The following CPED1 variants were observed in gnomAD, a reference collection of about 807,000 sequenced individuals.
CPED1 encodes the protein cadherin-like and PC-esterase domain-containing protein 1.
Under a neutral mutation model 128.2 loss-of-function variants are expected in CPED1, and 114 were observed. The observed-to-expected ratio is 0.89, with a 90% CI of 0.76 to 1.04. The LOEUF (loss-of-function observed/expected upper bound fraction) is 1.04, where lower values mean the gene tolerates loss of function less well. CPED1 is among the 50% of genes least tolerant of loss of function. The pLI is 0.00. For missense variants in CPED1, 1,211 were observed against 1,207.1 expected (o/e 1.00, Z -0.05); for synonymous variants, 462 against 426.7 (o/e 1.08, Z -1.02).
chr7:121,054,127 T>C (rs2116002358), intron 4 of CPED1, among the ~76,000 whole-genome samples: 1 of 152,348 alleles, frequency 6.6e-6, no homozygotes, highest in South Asian at 2.1e-4. Flanking sequence ...CCATTGCTAC[T>C]AGGGTGTCAT....
chr7:121,047,704 T>TCCTCCTCCTCCTCC (rs1793245376), intron 4 of CPED1, among the ~76,000 whole-genome samples: 1 of 89,232 alleles, frequency 1.1e-5, no homozygotes, highest in African/African-American at 5.2e-5. Flanking sequence ...CTTCTTCTTC[T>TCCTCCTCCTCCTCC]TCTTCTTCTT....
intron 2 of CPED1, among the ~76,000 whole-genome samples, chr7:120,992,136 T>A (rs1324351615): frequency 6.6e-6 from 1 of 152,172 alleles, no homozygotes; most frequent in Admixed American, 6.5e-5. Flanking sequence ...AATATATTGA[T>A]CATTTTCTAA....
chr7:121,151,498 A>G (rs1192883835), intron 16 of CPED1, among the ~76,000 whole-genome samples: 1 of 152,254 alleles, frequency 6.6e-6, no homozygotes, highest in Non-Finnish European at 1.5e-5. Context: ...CTATTTAACA[A>G]TATAACATTT....
rs146351691 is a variant in CPED1 at position 121,119,237 on chromosome 7, AT to A, written c.919-5082del. ...AAATATAGGACAATCTAAAAAAGAT[AT>A]TTTTTTTTTTTGAGATGGAGTCTCG... On this transcript the variant is annotated intron_variant, in intron 7 of 22. Coordinates refer to ENST00000310396, the MANE Select transcript of CPED1 (RefSeq NM_024913.5). Among the ~76,000 whole-genome samples, 68 of 143,882 alleles carry A rather than the reference AT, an allele frequency of 4.7e-4. 1 individual carries two copies. The highest frequency in any genetic ancestry group is 1.4e-3 in the African/African-American group (56 of 38,680). 94.4% of individuals were successfully genotyped at this position (143,882 alleles called of 152,430 possible). A position where few individuals can be genotyped will look rare whatever the true frequency, so the allele number is the denominator to read the frequency against.
chr7:121,038,949 G>A (rs560032185), intron 3 of CPED1, among the ~76,000 whole-genome samples: 6 of 152,052 alleles, frequency 3.9e-5, no homozygotes, highest in African/African-American at 1.2e-4. Context: ...CTCTGTTCAC[G>A]TTAACCTGAT....
At chr7:121,094,088 T>C (rs1794639873) in intron 5 of CPED1, among the ~76,000 whole-genome samples, 1 of 152,208 alleles carries the variant, frequency 6.6e-6, no homozygotes, top group Admixed American at 6.6e-5. Flanking sequence ...CTAAGACTTA[T>C]CAATGCCCTC....
intron 5 of CPED1, among the ~76,000 whole-genome samples, chr7:121,095,792 A>G (rs189382568): frequency 5.5e-4 from 84 of 152,222 alleles, no homozygotes; most frequent in African/African-American, 1.7e-3. Context: ...AACCATTGAG[A>G]TACTATCTTG....
intron 2 of CPED1, among the ~76,000 whole-genome samples, chr7:120,998,563 T>C (rs1369030326): frequency 2.0e-5 from 3 of 152,180 alleles, no homozygotes; most frequent in African/African-American, 7.2e-5. Flanking sequence ...GTGGACCCTA[T>C]AGACCCTAAC....
intron 5 of CPED1, among the ~76,000 whole-genome samples, chr7:121,079,312 A>C (rs1381435797): frequency 2.6e-5 from 4 of 152,126 alleles, no homozygotes; most frequent in Admixed American, 2.6e-4. Context: ...AAAACAATAG[A>C]TGTGTATTAG....
At chr7:121,176,211 A>AC (rs1320111622) in intron 16 of CPED1, among the ~76,000 whole-genome samples, 1 of 145,834 alleles carries the variant, frequency 6.9e-6, no homozygotes, top group Non-Finnish European at 1.5e-5. Context: ...AAAAAAAAAA[A>AC]AAAAACACCT....
chr7:121,172,786 T>C (rs1292694459), intron 16 of CPED1, among the ~76,000 whole-genome samples: 2 of 152,174 alleles, frequency 1.3e-5, no homozygotes, highest in Admixed American at 1.3e-4. Context: ...CCAACTGGGA[T>C]ATAAATTAAG....
At chr7:121,076,030 A>T (rs1258410821) in intron 5 of CPED1, among the ~76,000 whole-genome samples, 1 of 152,160 alleles carries the variant, frequency 6.6e-6, no homozygotes, top group East Asian at 1.9e-4. Context: ...TGAGGGTGGG[A>T]CATTATTTTT....
chr7:121,288,760 G>A (rs897531593), intron 22 of CPED1, among the ~76,000 whole-genome samples: 7 of 152,102 alleles, frequency 4.6e-5, no homozygotes, highest in Non-Finnish European at 1.0e-4. Flanking sequence ...TATTTTGCAT[G>A]TAATTAGTAT....
At chr7:121,159,102 ACT>A (rs1377223187) in intron 16 of CPED1, among the ~76,000 whole-genome samples, 4 of 152,014 alleles carry the variant, frequency 2.6e-5, no homozygotes, top group African/African-American at 9.7e-5. Flanking sequence ...TGGTTTTCAG[ACT>A]CTCTCCAAAA....
At position 121,270,588 on chromosome 7, in the gene CPED1, A is replaced by G. The variant is rs1426552198; in HGVS notation, c.2722-696A>G. 2.0e-5 allele frequency among the ~76,000 whole-genome samples: 3 copies of G among 152,076 alleles called. No homozygotes were observed. The East Asian group carries it at 5.8e-4, about 29-fold the overall frequency. ...TGGTAAGAGGTAAGAATCCAGTTTC[A>G]TTATTTTGAATATAGAGAGCCAGTT... On this transcript the variant is annotated intron_variant, in intron 21 of 22. Coordinates refer to ENST00000310396, the MANE Select transcript of CPED1 (RefSeq NM_024913.5).
At chr7:121,172,813 G>A (rs959954567) in intron 16 of CPED1, among the ~76,000 whole-genome samples, 1 of 152,146 alleles carries the variant, frequency 6.6e-6, no homozygotes, top group Non-Finnish European at 1.5e-5. Flanking sequence ...TAGAGTAAAT[G>A]CATATGATCG....
At chr7:121,190,863 A>T (rs1459884712) in intron 16 of CPED1, among the ~76,000 whole-genome samples, 1 of 152,122 alleles carries the variant, frequency 6.6e-6, no homozygotes, top group Non-Finnish European at 1.5e-5. Context: ...CTGAAACCTG[A>T]ATGTGATGAC....
intron 5 of CPED1, among the ~76,000 whole-genome samples, chr7:121,073,135 AAC>A (rs1263066244): frequency 6.6e-6 from 1 of 152,196 alleles, no homozygotes; most frequent in Non-Finnish European, 1.5e-5. Flanking sequence ...TGATAAAATA[AAC>A]AGTCAATTAA....
intron 10 of CPED1, 30 bp downstream of exon 10, chr7:121,127,287 T>C (rs1309316349): frequency 5.1e-6 from 7 of 1,364,534 alleles, no homozygotes; most frequent in Non-Finnish European, 7.1e-6. Context: ...CTGATAAATA[T>C]TTTTTCAAGT....
Sources: allele counts gnomAD v4.1 joint callset (sites outside exome capture counted in the v4.1 genomes callset), GRCh38; gene constraint gnomAD v4.1.1; transcripts MANE v1.5; gene names NCBI Gene and HGNC (gene_info 2026-07-23, HGNC 2026-07-21).